NPAS3: variants seen among roughly 807,000 people sequenced by gnomAD.
NPAS3 encodes the protein neuronal PAS domain protein 3.
Under a neutral mutation model 73.1 loss-of-function variants are expected in NPAS3, and 14 were observed. That is an observed-to-expected ratio of 0.19 (90% confidence interval 0.13 to 0.30). The LOEUF (loss-of-function observed/expected upper bound fraction) is 0.30, where lower values mean the gene tolerates loss of function less well. NPAS3 is among the 10% of genes least tolerant of loss of function. The pLI, the probability that NPAS3 is intolerant of heterozygous loss-of-function variation, is 1.00. For synonymous variants in NPAS3, 620 were observed against 541.5 expected (o/e 1.14, Z -2.01); for missense variants, 1,096 against 1,250.0 (o/e 0.88, Z 1.86).
intron 4 of NPAS3, among the ~76,000 whole-genome samples, chr14:33,386,809 G>A (rs188340103): frequency 7.9e-5 from 12 of 152,228 alleles, no homozygotes; most frequent in African/African-American, 1.7e-4. Flanking sequence ...AGTGATTGAC[G>A]TTAATGAGAA....
intron 6 of NPAS3, among the ~76,000 whole-genome samples, chr14:33,690,143 C>T (rs1242476405): frequency 6.6e-6 from 1 of 152,190 alleles, no homozygotes; most frequent in Admixed American, 6.5e-5. Context: ...CAACCCATGG[C>T]TCCTTTACTA....
intron 3 of NPAS3, among the ~76,000 whole-genome samples, chr14:33,297,708 T>A (rs192984868): frequency 6.6e-6 from 1 of 152,330 alleles, no homozygotes; most frequent in Non-Finnish European, 1.5e-5. Flanking sequence ...GTAAAAAGAA[T>A]CCTTTCCTTT....
chr14:33,148,722 T>G (rs2139226111), intron 2 of NPAS3, among the ~76,000 whole-genome samples: 1 of 152,342 alleles, frequency 6.6e-6, no homozygotes, highest in South Asian at 2.1e-4. Flanking sequence ...GGTCTCACTG[T>G]GTCACTGAGG....
chr14:33,154,072 CTT>C (rs1391674867), intron 2 of NPAS3, among the ~76,000 whole-genome samples: 1 of 152,172 alleles, frequency 6.6e-6, no homozygotes, highest in Non-Finnish European at 1.5e-5. Context: ...TTAGAGATCT[CTT>C]TATGGAAAAA....
At chr14:33,296,714 A>G (rs114413016) in intron 3 of NPAS3, among the ~76,000 whole-genome samples, 1 of 152,198 alleles carries the variant, frequency 6.6e-6, no homozygotes, top group Non-Finnish European at 1.5e-5. Flanking sequence ...TTTCGACTCC[A>G]TTTTTCTTGG....
At chr14:33,220,346 G>T (rs1469628809) in intron 3 of NPAS3, among the ~76,000 whole-genome samples, 1 of 152,140 alleles carries the variant, frequency 6.6e-6, no homozygotes, top group Non-Finnish European at 1.5e-5. Context: ...AGTGTTCGTT[G>T]TTGTTTATTT....
At chr14:33,462,495 C>T (rs902164987) in intron 4 of NPAS3, among the ~76,000 whole-genome samples, 3 of 152,172 alleles carry the variant, frequency 2.0e-5, no homozygotes, top group African/African-American at 4.8e-5. Flanking sequence ...ATTCCTTCTT[C>T]ATGACATAGA....
At chr14:33,580,813 A>G (rs1399514440) in intron 5 of NPAS3, among the ~76,000 whole-genome samples, 1 of 134,622 alleles carries the variant, frequency 7.4e-6, no homozygotes, top group Non-Finnish European at 1.6e-5. Flanking sequence ...CCCCTACCCC[A>G]GGGTGGCTTA....
intron 2 of NPAS3, among the ~76,000 whole-genome samples, chr14:33,137,201 A>G (rs7158594): frequency 0.43 from 65,714 of 152,044 alleles, 15,263 homozygotes; most frequent in African/African-American, 0.61. Flanking sequence ...AATTGAATTA[A>G]CATGAGGACA....
intron 3 of NPAS3, among the ~76,000 whole-genome samples, chr14:33,315,760 G>A (rs544016449): frequency 6.6e-6 from 1 of 151,978 alleles, no homozygotes; most frequent in Non-Finnish European, 1.5e-5. Flanking sequence ...ATGGGGGTAA[G>A]GTAGGCTGGG....
intron 1 of NPAS3, among the ~76,000 whole-genome samples, chr14:32,975,314 G>GTCACTCCCTTCCTCCA (rs1566422022): frequency 1.5e-5 from 2 of 135,352 alleles, no homozygotes; most frequent in African/African-American, 2.8e-5. Context: ...CCCTGCCTCC[G>GTCACTCCCTTCCTCCA]TCACTCCCTG....
chr14:33,459,384 A>G (rs2050158882), intron 4 of NPAS3, among the ~76,000 whole-genome samples: 1 of 152,238 alleles, frequency 6.6e-6, no homozygotes, highest in South Asian at 2.1e-4. Context: ...AAAACTATAA[A>G]ATATTATACA....
At chr14:33,527,482 T>C (rs2053853779) in intron 4 of NPAS3, among the ~76,000 whole-genome samples, 1 of 152,118 alleles carries the variant, frequency 6.6e-6, no homozygotes, top group Non-Finnish European at 1.5e-5. Flanking sequence ...TCACTCAGAG[T>C]TCTCATATGA....
intron 2 of NPAS3, among the ~76,000 whole-genome samples, chr14:33,138,332 A>T (rs981929657): frequency 6.6e-6 from 1 of 151,968 alleles, no homozygotes; most frequent in Non-Finnish European, 1.5e-5. Context: ...CATTTAAATC[A>T]TCTTTTACTA....
At chr14:33,629,562 TTTG>T (rs1333654582) in intron 5 of NPAS3, among the ~76,000 whole-genome samples, 2 of 150,476 alleles carry the variant, frequency 1.3e-5, no homozygotes, top group Non-Finnish European at 2.9e-5. Flanking sequence ...AATGGTTTTT[TTTG>T]TTGTTTTTGT....
intron 4 of NPAS3, among the ~76,000 whole-genome samples, chr14:33,461,513 T>C (rs1413570183): frequency 6.6e-6 from 1 of 152,162 alleles, no homozygotes; most frequent in Non-Finnish European, 1.5e-5. Context: ...TCACGAAAGG[T>C]TTTTATAAAA....
intron 2 of NPAS3, among the ~76,000 whole-genome samples, chr14:33,093,283 A>G (rs980042370): frequency 6.6e-6 from 1 of 152,136 alleles, no homozygotes; most frequent in Non-Finnish European, 1.5e-5. Context: ...GAAAAAAACA[A>G]ACAACCCTAT....
chr14:33,515,114 A>T (rs903112863), intron 4 of NPAS3, among the ~76,000 whole-genome samples: 11 of 152,044 alleles, frequency 7.2e-5, no homozygotes, highest in Non-Finnish European at 1.5e-4. Context: ...AATTATTCTC[A>T]TATTTTTTCA....
At position 33,069,462 on chromosome 14, in the gene NPAS3, C is replaced by T. The variant is rs532599979; in HGVS notation, c.140+13468C>T. Among the ~76,000 whole-genome samples, 4 of 152,210 alleles carry T rather than the reference C, an allele frequency of 2.6e-5. No individual in the cohort carries two copies. In the East Asian group the frequency reaches 5.8e-4, roughly 22 times the overall value. ...ATGATTGCCTTGCATTTGAGCAGTG[C>T]GGAATGCAATAGGAGAATGTCAGTG... is the stretch of plus-strand genomic sequence containing the variant. On this transcript the variant is annotated intron_variant, in intron 2 of 11. Transcript: ENST00000356141.
Sources: gnomAD v4.1 joint callset for allele counts (sites outside exome capture counted in the v4.1 genomes callset) on GRCh38, gnomAD v4.1.1 for gene constraint, MANE v1.5 for transcripts, NCBI Gene and HGNC (gene_info 2026-07-23, HGNC 2026-07-21) for gene names.